The following FBN2 variants were observed in gnomAD, a reference collection of about 807,000 sequenced individuals.
The protein encoded by FBN2 is fibrillin-2.
FBN2 carries 105 observed loss-of-function variants against 355.6 expected under a neutral mutation model. The ratio of observed to expected loss-of-function variants is 0.30; its 90% confidence interval spans 0.25 to 0.35. The LOEUF (loss-of-function observed/expected upper bound fraction) is 0.35, where lower values mean the gene tolerates loss of function less well. FBN2 is among the 10% of genes least tolerant of loss of function. The pLI is 1.00. For synonymous variants in FBN2, 1,350 were observed against 1,301.2 expected, an observed-to-expected ratio of 1.04 and a Z score of -0.81; for missense variants, 3,280 against 3,758.7, an observed-to-expected ratio of 0.87 and a Z score of 3.33.
chr5:128,357,687 T>C (rs955233351), intron 19 of FBN2, among the ~76,000 whole-genome samples: 1 of 152,206 alleles, frequency 6.6e-6, no homozygotes, highest in Non-Finnish European at 1.5e-5. Flanking sequence ...GGATTTTTTT[T>C]TCCCACATAA....
intron 23 of FBN2, 127 bp downstream of exon 23, chr5:128,349,220 C>G (rs1356310840): frequency 1.9e-6 from 2 of 1,076,984 alleles, no homozygotes; most frequent in Non-Finnish European, 2.8e-6. Context: ...GTGATTTCCC[C>G]CTAAATATCT....
chr5:128,348,719 A>G (rs11241956), intron 23 of FBN2, among the ~76,000 whole-genome samples: 35,301 of 152,050 alleles, frequency 0.23, 5,154 homozygotes, highest in Middle Eastern at 0.44. Flanking sequence ...AATTATTGTT[A>G]CATACAATGA....
intron 8 of FBN2, among the ~76,000 whole-genome samples, chr5:128,406,725 C>T (rs1283125736): frequency 6.6e-6 from 1 of 152,104 alleles, no homozygotes; most frequent in Non-Finnish European, 1.5e-5. Flanking sequence ...CTGTGCTACT[C>T]AGAATGATGT....
At chr5:128,530,293 T>A (rs1437899451) in intron 3 of FBN2, among the ~76,000 whole-genome samples, 1 of 152,124 alleles carries the variant, frequency 6.6e-6, no homozygotes, top group African/African-American at 2.4e-5. Context: ...CCTTCCCCCT[T>A]AGATAACCCA....
chr5:128,345,956 T>G (rs1484884775), intron 23 of FBN2, among the ~76,000 whole-genome samples: 1 of 152,222 alleles, frequency 6.6e-6, no homozygotes, highest in Non-Finnish European at 1.5e-5. Flanking sequence ...CCCTGTCAGA[T>G]CCCATTCATA....
At chr5:128,535,633 A>T (rs899449062) in intron 2 of FBN2, among the ~76,000 whole-genome samples, 1 of 152,220 alleles carries the variant, frequency 6.6e-6, no homozygotes, top group African/African-American at 2.4e-5. Context: ...CTGATAACTA[A>T]TGAGCTCTCC....
At chr5:128,268,140 T>C (rs1765165437) in intron 62 of FBN2, among the ~76,000 whole-genome samples, 1 of 151,728 alleles carries the variant, frequency 6.6e-6, no homozygotes. Flanking sequence ...GCTAGACTAA[T>C]AAAGAACAGA....
intron 41 of FBN2, among the ~76,000 whole-genome samples, 185 bp downstream of exon 41, chr5:128,309,062 T>C (rs1193396310): frequency 6.6e-6 from 1 of 152,248 alleles, no homozygotes; most frequent in African/African-American, 2.4e-5. Flanking sequence ...TCCAACATAA[T>C]GTCTCAGAAG....
intron 11 of FBN2, among the ~76,000 whole-genome samples, chr5:128,391,043 G>A (rs945507818): frequency 1.3e-5 from 2 of 152,064 alleles, no homozygotes; most frequent in Non-Finnish European, 2.9e-5. Context: ...TATTTCAAAT[G>A]ACCAATGCAT....
chr5:128,270,179 T>C (rs774784105), intron 62 of FBN2, among the ~76,000 whole-genome samples: 6 of 152,150 alleles, frequency 3.9e-5, no homozygotes, highest in Non-Finnish European at 7.4e-5. Flanking sequence ...CCTTACACCT[T>C]ACACAAAAAT....
intron 6 of FBN2, among the ~76,000 whole-genome samples, chr5:128,450,213 C>T (rs1424660312): frequency 2.6e-5 from 4 of 152,036 alleles, no homozygotes. Flanking sequence ...AATACTCCAC[C>T]TCACTTAAGC....
At chr5:128,333,330 T>C (rs1182393430) in intron 31 of FBN2, among the ~76,000 whole-genome samples, 2 of 152,132 alleles carry the variant, frequency 1.3e-5, no homozygotes, top group Non-Finnish European at 2.9e-5. Flanking sequence ...TGGGGCCTTC[T>C]TCCCTGCCCA....
rs563751632 is a variant in FBN2 at position 128,390,064 on chromosome 5, C to A, written c.1603+1954G>T. On this transcript the variant is annotated intron_variant, in intron 11 of 64. Transcript: ENST00000262464. Reference sequence around the variant, plus strand: ...TTATCCTTCACAGACACTAATGTAACCCCTAACTACTGCAGATCCTGCTGC... The same window carrying A: ...TTATCCTTCACAGACACTAATGTAAACCCTAACTACTGCAGATCCTGCTGC... Among the ~76,000 whole-genome samples, 4 of 152,158 alleles carry A rather than the reference C, an allele frequency of 2.6e-5. No homozygotes were observed. The East Asian group carries it at 7.7e-4, about 29-fold the overall frequency.
At chr5:128,353,547 A>G (rs1751424236) in intron 20 of FBN2, among the ~76,000 whole-genome samples, 1 of 152,198 alleles carries the variant, frequency 6.6e-6, no homozygotes, top group African/African-American at 2.4e-5. Flanking sequence ...GGAAACAGAG[A>G]TGTTTGTGTA....
chr5:128,344,902 T>C (rs1042022406), intron 24 of FBN2, among the ~76,000 whole-genome samples: 1 of 152,184 alleles, frequency 6.6e-6, no homozygotes, highest in African/African-American at 2.4e-5. Flanking sequence ...GGTTTCACCA[T>C]GTTGGTCAGG....
intron 5 of FBN2, among the ~76,000 whole-genome samples, chr5:128,470,052 C>T (rs1001939906): frequency 3.3e-5 from 5 of 152,068 alleles, no homozygotes; most frequent in East Asian, 3.8e-4. Context: ...AAAAGAGAAA[C>T]GAGTCTAGGA....
intron 6 of FBN2, among the ~76,000 whole-genome samples, chr5:128,449,499 A>G (rs930464635): frequency 1.4e-5 from 2 of 147,976 alleles, no homozygotes; most frequent in African/African-American, 2.5e-5. Flanking sequence ...ATATTATACT[A>G]TTTGAAAATA....
intron 18 of FBN2, 113 bp from the exon 19 acceptor site, chr5:128,361,961 T>C: frequency 9.4e-7 from 1 of 1,067,698 alleles, no homozygotes. Context: ...CTCTGTGACA[T>C]AGTCTCTGTA....
chr5:128,430,660 A>G (rs1025745133), intron 7 of FBN2, among the ~76,000 whole-genome samples: 1 of 152,086 alleles, frequency 6.6e-6, no homozygotes, highest in African/African-American at 2.4e-5. Context: ...CCTGACCAAC[A>G]TGGTGAAACC....
Sources: gnomAD v4.1 joint callset for allele counts (sites outside exome capture counted in the v4.1 genomes callset) on GRCh38, gnomAD v4.1.1 for gene constraint, MANE v1.5 for transcripts, NCBI Gene and HGNC (gene_info 2026-07-23, HGNC 2026-07-21) for gene names.